Variants in CA8 observed in about 807,000 individuals in gnomAD.
CA8 encodes carbonic anhydrase-related protein.
CA8 carries 22 observed loss-of-function variants against 41.4 expected under a neutral mutation model. That is an observed-to-expected ratio of 0.53 (90% confidence interval 0.38 to 0.76). The LOEUF (loss-of-function observed/expected upper bound fraction) is 0.76. Among genes scored for constraint, CA8 ranks in the 30% least tolerant of loss-of-function variants. The pLI is 0.00. For synonymous variants in CA8, 121 were observed against 130.6 expected (o/e 0.93, Z 0.50); for missense variants, 270 against 352.8 (o/e 0.77, Z 1.88).
intron 3 of CA8, among the ~76,000 whole-genome samples, chr8:60,256,958 C>T (rs1305804224): frequency 6.6e-6 from 1 of 151,980 alleles, no homozygotes; most frequent in Non-Finnish European, 1.5e-5. Flanking sequence ...AGTAACAAAA[C>T]GTTTTTTGTT....
intron 3 of CA8, among the ~76,000 whole-genome samples, chr8:60,238,686 T>G (rs1382696589): frequency 1.3e-5 from 2 of 152,152 alleles, no homozygotes; most frequent in African/African-American, 4.8e-5. Context: ...ACATTTCCTC[T>G]GTTGAAAATC....
intron 3 of CA8, among the ~76,000 whole-genome samples, chr8:60,247,386 CCTAA>C (rs1808284907): frequency 3.3e-5 from 5 of 152,196 alleles, no homozygotes; most frequent in Admixed American, 1.3e-4. Context: ...AGGTATTTGT[CCTAA>C]CTCTCTCCCT....
At chr8:60,205,575 C>G (rs1422742049) in intron 8 of CA8, among the ~76,000 whole-genome samples, 1 of 152,120 alleles carries the variant, frequency 6.6e-6, no homozygotes, top group Non-Finnish European at 1.5e-5. Flanking sequence ...ACCCATAAAT[C>G]TGAATTAGCA....
chr8:60,258,358 C>T (rs1181976503), intron 3 of CA8, among the ~76,000 whole-genome samples: 2 of 152,078 alleles, frequency 1.3e-5, no homozygotes, highest in African/African-American at 2.4e-5. Context: ...TAGGAAAAAA[C>T]GAACTATTAA....
chr8:60,201,085 G>C (rs1374551498), intron 8 of CA8, among the ~76,000 whole-genome samples: 1 of 152,116 alleles, frequency 6.6e-6, no homozygotes, highest in Non-Finnish European at 1.5e-5. Context: ...TGATAAAACG[G>C]AAATATGGGG....
In CA8 at chr8:60,189,867, T is replaced by A. The variant is rs915102567; in HGVS notation, c.*154A>T. On this transcript the variant is annotated 3_prime_UTR_variant, in exon 9 of 9. Coordinates refer to ENST00000317995, the MANE Select transcript of CA8 (RefSeq NM_004056.6). ...CAAGTGTACAGGCAACCATCACAGA[T>A]GTCCATCAAAGCTGGATTAGATGAA... 3.3e-5 allele frequency: 5 copies of A among 152,406 alleles called. No homozygotes were observed. Among genetic ancestry groups the A allele is most frequent in the South Asian group, 2.1e-4 (1 of 4,826 alleles). The allele number at this position is 152,406 out of a possible 1,614,324, so 9.4% of individuals were successfully genotyped here.
At position 60,227,011 on chromosome 8, in the gene CA8, G is replaced by A. The variant is rs1396824825; in HGVS notation, c.514-76C>T. 1.3e-5 allele frequency: 13 copies of A among 1,031,658 alleles called. No individual in the cohort carries two copies. The East Asian group carries it at 2.6e-4, about 21-fold the overall frequency. The allele number at this position is 1,031,658 out of a possible 1,614,324, so 63.9% of individuals were successfully genotyped here. A position where few individuals can be genotyped will look rare whatever the true frequency, so the allele number is the denominator to read the frequency against. On this transcript the variant is annotated intron_variant, in intron 4 of 8. Transcript: ENST00000317995. ...CTTTAACTAAAAAAAAACTAATAGG[G>A]CTGAGTGTGGTGGCTCATGCCTGTA...
At chr8:60,215,487 C>A (rs1284279874) in intron 7 of CA8, among the ~76,000 whole-genome samples, 4 of 151,666 alleles carry the variant, frequency 2.6e-5, no homozygotes, top group Admixed American at 2.6e-4. Flanking sequence ...GATGGGTCCA[C>A]CAAAATCTCA....
intron 3 of CA8, among the ~76,000 whole-genome samples, chr8:60,262,757 A>C (rs1803774432): frequency 6.6e-6 from 1 of 152,258 alleles, no homozygotes; most frequent in Non-Finnish European, 1.5e-5. Flanking sequence ...ATAAACCTGG[A>C]GTATTCACAA....
chr8:60,208,488 G>A (rs769083767), intron 8 of CA8: 1 of 433,366 alleles, frequency 2.3e-6, no homozygotes, highest in Non-Finnish European at 4.3e-6. Context: ...GAGGGTGTCT[G>A]TTCTTATGAA....
chr8:60,277,980 C>T (rs1405756681), intron 2 of CA8, among the ~76,000 whole-genome samples: 1 of 152,114 alleles, frequency 6.6e-6, no homozygotes, highest in Non-Finnish European at 1.5e-5. Flanking sequence ...AGTGCAGACA[C>T]TTCTTCTTCA....
chr8:60,217,928 G>A (rs945016116), intron 7 of CA8, among the ~76,000 whole-genome samples: 3 of 152,000 alleles, frequency 2.0e-5, no homozygotes, highest in Non-Finnish European at 2.9e-5. Flanking sequence ...ATTCAAATTC[G>A]GTCATATCTC....
intron 3 of CA8, among the ~76,000 whole-genome samples, chr8:60,256,899 A>C (rs1808659059): frequency 6.6e-6 from 1 of 152,142 alleles, no homozygotes; most frequent in Admixed American, 6.5e-5. Flanking sequence ...AGAAAAAAGA[A>C]GACTTTACAT....
At chr8:60,253,662 C>T (rs1330589185) in intron 3 of CA8, among the ~76,000 whole-genome samples, 1 of 152,136 alleles carries the variant, frequency 6.6e-6, no homozygotes, top group African/African-American at 2.4e-5. Flanking sequence ...CAACTTGACT[C>T]CAGGACCCTC....
At chr8:60,278,880 G>A (rs983431071) in intron 2 of CA8, among the ~76,000 whole-genome samples, 3 of 152,126 alleles carry the variant, frequency 2.0e-5, no homozygotes, top group Admixed American at 6.5e-5. Context: ...TATTTATCAA[G>A]TACGTCCTAA....
chr8:60,253,922 A>G (rs1011342174), intron 3 of CA8, among the ~76,000 whole-genome samples: 9 of 152,138 alleles, frequency 5.9e-5, no homozygotes, highest in African/African-American at 2.2e-4. Flanking sequence ...CATATATAGT[A>G]GCCACAGTAG....
chr8:60,194,560 T>C (rs922922086), intron 8 of CA8, among the ~76,000 whole-genome samples: 1 of 152,172 alleles, frequency 6.6e-6, no homozygotes, highest in African/African-American at 2.4e-5. Context: ...TCTCTCTTAA[T>C]CATCTCCAGA....
In CA8 at chr8:60,193,456, T is replaced by C. The variant is rs376551347; in HGVS notation, c.*36-3471A>G. 3.3e-5 allele frequency among the ~76,000 whole-genome samples: 5 copies of C among 152,180 alleles called. 1 individual carries two copies. In the South Asian group the frequency reaches 1.0e-3, roughly 32 times the overall value. On this transcript the variant is annotated intron_variant, in intron 8 of 8. Transcript: ENST00000317995. Reference sequence around the variant, plus strand: ...GGATCCCACATCTTTTTCCTTAGCTTACTCCATTTTGGTGTGGCAATATCA... The same window carrying C: ...GGATCCCACATCTTTTTCCTTAGCTCACTCCATTTTGGTGTGGCAATATCA...
intron 8 of CA8, among the ~76,000 whole-genome samples, chr8:60,195,327 G>C (rs1392363323): frequency 6.6e-6 from 1 of 152,188 alleles, no homozygotes; most frequent in African/African-American, 2.4e-5. Context: ...CCAAGGGAAT[G>C]AGTGCAAAGC....
Sources: allele counts gnomAD v4.1 joint callset (sites outside exome capture counted in the v4.1 genomes callset), GRCh38; gene constraint gnomAD v4.1.1; transcripts MANE v1.5; gene names NCBI Gene and HGNC (gene_info 2026-07-23, HGNC 2026-07-21).